DPP10: variants seen among roughly 807,000 people sequenced by gnomAD.
DPP10 encodes dipeptidyl peptidase like 10.
In DPP10, 33 loss-of-function variants were observed where a neutral mutation model predicts 120.9. The ratio of observed to expected loss-of-function variants is 0.27; its 90% CI spans 0.21 to 0.37. The LOEUF is 0.37. Among genes scored for constraint, DPP10 ranks in the 10% least tolerant of loss-of-function variants. DPP10 has a pLI of 1.00. For missense variants in DPP10, 816 were observed against 942.8 expected (o/e 0.87, Z 1.76); for synonymous variants, 337 against 326.1 (o/e 1.03, Z -0.36).
intron 1 of DPP10, among the ~76,000 whole-genome samples, chr2:114,695,869 C>T (rs1054645317): frequency 6.6e-6 from 1 of 151,946 alleles, no homozygotes; most frequent in African/African-American, 2.4e-5. Flanking sequence ...TTAAAATAAC[C>T]TTTTTAATAT....
At chr2:114,718,165 G>A (rs1416985412) in intron 1 of DPP10, among the ~76,000 whole-genome samples, 1 of 151,578 alleles carries the variant, frequency 6.6e-6, no homozygotes, top group African/African-American at 2.4e-5. Context: ...CTCTATAATA[G>A]CTATCATTAC....
chr2:115,142,865 C>T (rs978686180), intron 1 of DPP10, among the ~76,000 whole-genome samples: 2 of 152,080 alleles, frequency 1.3e-5, no homozygotes. Context: ...GTTTTTTCTC[C>T]CTCTAAGAGA....
chr2:115,485,848 T>C (rs2075746280), intron 3 of DPP10, among the ~76,000 whole-genome samples: 3 of 152,146 alleles, frequency 2.0e-5, no homozygotes, highest in South Asian at 4.1e-4. Flanking sequence ...ACTTTTTCTT[T>C]GTATATTTCA....
At chr2:115,242,472 C>T (rs569793146) in intron 1 of DPP10, among the ~76,000 whole-genome samples, 5 of 152,174 alleles carry the variant, frequency 3.3e-5, no homozygotes, top group African/African-American at 9.6e-5. Flanking sequence ...TATAAGCATG[C>T]GTGTGCAAGT....
intron 3 of DPP10, among the ~76,000 whole-genome samples, chr2:115,344,521 C>G (rs1238693632): frequency 2.0e-5 from 3 of 151,596 alleles, no homozygotes; most frequent in East Asian, 1.9e-4. Flanking sequence ...TAGTGAGACT[C>G]TATGCAAAAT....
At chr2:114,532,296 T>TATATATATACACACACACAC (rs1342125338) in intron 1 of DPP10, among the ~76,000 whole-genome samples, 1 of 74,760 alleles carries the variant, frequency 1.3e-5, no homozygotes, top group African/African-American at 6.6e-5. Context: ...TATATATATA[T>TATATATATACACACACACAC]ACACACACAC....
At chr2:114,857,516 GT>G (rs1437376118) in intron 1 of DPP10, among the ~76,000 whole-genome samples, 2 of 152,124 alleles carry the variant, frequency 1.3e-5, no homozygotes, top group African/African-American at 4.8e-5. Flanking sequence ...CCCAATTCAT[GT>G]TTCCCTTTGT....
chr2:114,518,187 C>T (rs1424195127), intron 1 of DPP10, among the ~76,000 whole-genome samples: 1 of 148,920 alleles, frequency 6.7e-6, no homozygotes, highest in Non-Finnish European at 1.5e-5. Context: ...AGGTGATTCT[C>T]CTGCCTCAAC....
chr2:115,534,888 T>G (rs186579719), intron 5 of DPP10, among the ~76,000 whole-genome samples: 3 of 152,180 alleles, frequency 2.0e-5, no homozygotes, highest in East Asian at 3.9e-4. Flanking sequence ...TTTCATGTGT[T>G]TTTTGACTGC....
intron 1 of DPP10, among the ~76,000 whole-genome samples, chr2:114,964,534 G>A (rs1698867395): frequency 6.6e-6 from 1 of 151,958 alleles, no homozygotes; most frequent in Non-Finnish European, 1.5e-5. Flanking sequence ...GCAAGACTAG[G>A]AGACATGAAA....
chr2:114,626,171 A>C (rs1368042710), intron 1 of DPP10, among the ~76,000 whole-genome samples: 1 of 151,832 alleles, frequency 6.6e-6, no homozygotes, highest in Non-Finnish European at 1.5e-5. Flanking sequence ...CTTAATCCAC[A>C]CTACATATAA....
intron 3 of DPP10, among the ~76,000 whole-genome samples, chr2:115,472,208 A>C (rs2074773478): frequency 6.6e-6 from 1 of 152,196 alleles, no homozygotes; most frequent in Non-Finnish European, 1.5e-5. Flanking sequence ...AAACAACTGT[A>C]GTTATCATCA....
intron 3 of DPP10, among the ~76,000 whole-genome samples, chr2:115,434,068 A>G (rs1346297437): frequency 1.3e-5 from 2 of 151,932 alleles, no homozygotes. Flanking sequence ...TCAGGTAGTA[A>G]TATTAAGGGC....
At chr2:115,376,195 C>G (rs182327687) in intron 3 of DPP10, among the ~76,000 whole-genome samples, 1 of 152,106 alleles carries the variant, frequency 6.6e-6, no homozygotes, top group African/African-American at 2.4e-5. Context: ...GGAATTGCTT[C>G]TCTTGTTATT....
At chr2:115,102,945 C>A (rs1166848191) in intron 1 of DPP10, among the ~76,000 whole-genome samples, 1 of 152,140 alleles carries the variant, frequency 6.6e-6, no homozygotes, top group African/African-American at 2.4e-5. Context: ...AGATGATAAT[C>A]TCTTGGGACC....
At chr2:115,062,190 A>C (rs988718851) in intron 1 of DPP10, among the ~76,000 whole-genome samples, 1 of 150,904 alleles carries the variant, frequency 6.6e-6, no homozygotes. Flanking sequence ...ATGGCTACCA[A>C]ATCAAATTTT....
At chr2:115,715,803 A>C (rs187285925) in intron 7 of DPP10, among the ~76,000 whole-genome samples, 1 of 152,224 alleles carries the variant, frequency 6.6e-6, no homozygotes, top group African/African-American at 2.4e-5. Context: ...AATAGCAAAT[A>C]TATATTTACA....
rs74679998 is a variant in DPP10 at position 115,754,082 on chromosome 2, C to A, written c.1074+785C>A. Among the ~76,000 whole-genome samples, 731 of 152,186 alleles carry A rather than the reference C, an allele frequency of 4.8e-3. 6 individuals are homozygous for A. The highest frequency in any genetic ancestry group is 0.016 in the African/African-American group (654 of 41,528). On this transcript the variant is annotated intron_variant, in intron 11 of 25. Transcript: ENST00000410059. ...GGATCATGACCATAAATGCTGAAAT[C>A]AAGTAAATGCACAAAATCAACCTTG...
intron 5 of DPP10, among the ~76,000 whole-genome samples, chr2:115,594,672 G>A (rs1575280821): frequency 6.6e-6 from 1 of 152,140 alleles, no homozygotes; most frequent in South Asian, 2.1e-4. Context: ...TCCTTTCTAT[G>A]AACTCCCCAT....
Sources: gnomAD v4.1 joint callset for allele counts (sites outside exome capture counted in the v4.1 genomes callset) on GRCh38, gnomAD v4.1.1 for gene constraint, MANE v1.5 for transcripts, NCBI Gene and HGNC (gene_info 2026-07-23, HGNC 2026-07-21) for gene names.